MED4: variants seen among roughly 807,000 people sequenced by gnomAD.
MED4 encodes mediator complex subunit 4, also known as mediator of RNA polymerase II transcription subunit 4.
In MED4, 21 loss-of-function variants were observed where a neutral mutation model predicts 35.0. The observed-to-expected ratio is 0.60, with a 90% CI of 0.43 to 0.86. The LOEUF (loss-of-function observed/expected upper bound fraction) is 0.86, where lower values mean the gene tolerates loss of function less well. MED4 is among the 40% of genes least tolerant of loss of function. The pLI is 0.00. For synonymous variants in MED4, 138 were observed against 114.0 expected (o/e 1.21, Z -1.34); for missense variants, 300 against 319.4 (o/e 0.94, Z 0.46).
intron 5 of MED4, 92 bp from the exon 6 acceptor site, chr13:48,080,067 C>A: frequency 2.8e-6 from 4 of 1,411,778 alleles, no homozygotes; most frequent in Non-Finnish European, 3.9e-6. Context: ...CTGGTTCATG[C>A]TGAAAAGTTC....
intron 2 of MED4, among the ~76,000 whole-genome samples, chr13:48,087,510 C>G (rs1398425719): frequency 6.6e-6 from 1 of 151,986 alleles, no homozygotes; most frequent in Non-Finnish European, 1.5e-5. Context: ...GACACTGAAA[C>G]TCTGAGTTTA....
chr13:48,078,439 A>C (rs1950778050), intron 6 of MED4, among the ~76,000 whole-genome samples: 1 of 152,092 alleles, frequency 6.6e-6, no homozygotes. Context: ...AGTGGTGTTC[A>C]CCACAGCAAC....
At chr13:48,084,935 C>T (rs1950838512) in intron 3 of MED4, among the ~76,000 whole-genome samples, 1 of 151,818 alleles carries the variant, frequency 6.6e-6, no homozygotes, top group South Asian at 2.1e-4. Context: ...GGGGTGATCC[C>T]AGTTCATTGC....
chr13:48,084,602 TAA>T (rs1164371962), intron 3 of MED4, among the ~76,000 whole-genome samples: 2 of 152,124 alleles, frequency 1.3e-5, no homozygotes, highest in Non-Finnish European at 1.5e-5. Context: ...GAAAAATGCT[TAA>T]GTTTCAATAA....
In MED4 at chr13:48,077,228, A is replaced by G. The variant is rs774080363; in HGVS notation, c.724T>C (p.Leu242=). ...TCTTTATTATGCCCAGGAGGTTCCA[A>G]CAAAAAGTCACTACTATGATTTGGT... The part of the protein sequence containing the change: ...LPPNHSSDFL[L]EPPGHNKENE... The change falls in exon 7 of 7, where the codon TTG becomes CTG. Residue 242 remains leucine (L), a synonymous_variant. Transcript: ENST00000258648. 2.9e-5 allele frequency: 47 copies of G among 1,601,460 alleles called. No homozygotes were observed. Among genetic ancestry groups the G allele is most frequent in the Non-Finnish European group, 3.1e-5 (36 of 1,175,978 alleles).
chr13:48,090,432 ACC>A lies in MED4; in HGVS notation c.126-16_126-15del. The A allele has an allele frequency of 1.3e-6, 2 of 1,568,198 alleles. No homozygotes were observed. Among genetic ancestry groups the A allele is most frequent in the Non-Finnish European group, 1.7e-6 (2 of 1,155,476 alleles). On this transcript the variant is annotated splice_polypyrimidine_tract_variant and intron_variant, in intron 1 of 6. Coordinates refer to ENST00000258648, the MANE Select transcript of MED4 (RefSeq NM_014166.4). ...TCTATAAGTTCCCTAAAAAAAAAAA[ACC>A]AACAACAACAAAAACCCTTTCACAG...
intron 1 of MED4, among the ~76,000 whole-genome samples, chr13:48,092,097 T>C (rs1324550141): frequency 6.6e-6 from 1 of 152,058 alleles, no homozygotes; most frequent in Non-Finnish European, 1.5e-5. Context: ...AGATTAGTGT[T>C]TCATTCTTTT....
In MED4 at chr13:48,095,099, C is replaced by T. The variant is rs770346174; in HGVS notation, c.-21G>A. On this transcript the variant is annotated 5_prime_UTR_variant, in exon 1 of 7. Coordinates refer to ENST00000258648, the MANE Select transcript of MED4 (RefSeq NM_014166.4). ...GCCATTTTCCCCAGAGTCCCGCCAC[C>T]GGCGCACGCGCAGAGCGAGCTGACG... The T allele has an allele frequency of 4.3e-5, 69 of 1,600,590 alleles. No homozygotes were observed. Among genetic ancestry groups the T allele is most frequent in the Non-Finnish European group, 5.6e-5 (66 of 1,179,552 alleles).
At chr13:48,084,222 C>T (rs936295693) in intron 3 of MED4, among the ~76,000 whole-genome samples, 22 of 143,050 alleles carry the variant, frequency 1.5e-4, no homozygotes, top group African/African-American at 5.8e-4. Context: ...ACTGTGCCAT[C>T]GCACTCTGGC....
intron 1 of MED4, among the ~76,000 whole-genome samples, chr13:48,092,275 T>C (rs1950895098): frequency 6.7e-6 from 1 of 150,292 alleles, no homozygotes; most frequent in South Asian, 2.1e-4. Context: ...GCCCGGCTAA[T>C]TTTGTATTTT....
intron 4 of MED4, among the ~76,000 whole-genome samples, chr13:48,082,175 T>C (rs910411125): frequency 5.3e-5 from 8 of 151,286 alleles, no homozygotes; most frequent in African/African-American, 1.9e-4. Flanking sequence ...GTCTACAATG[T>C]ATTCATTAGG....
At chr13:48,082,185 G>GT (rs142680874) in intron 4 of MED4, among the ~76,000 whole-genome samples, 10,400 of 151,112 alleles carry the variant, frequency 0.069, 513 homozygotes, top group East Asian at 0.16. Context: ...TATTCATTAG[G>GT]TAAAAAAAAA....
In MED4 at chr13:48,086,918, C is replaced by T. The variant is rs139709880; in HGVS notation, c.193-466G>A. Among the ~76,000 whole-genome samples the T allele has an allele frequency of 3.8e-3, 581 of 151,442 alleles. 2 individuals carry two copies. The highest frequency in any genetic ancestry group is 0.013 in the African/African-American group (546 of 41,262). Reference sequence around the variant, plus strand: ...TACAAAAATTAGTTGGGTGTGGTGGCGCCTAAAATCCCAGTTACTCAGCAG... The same window carrying T: ...TACAAAAATTAGTTGGGTGTGGTGGTGCCTAAAATCCCAGTTACTCAGCAG... On this transcript the variant is annotated intron_variant, in intron 2 of 6. Transcript: ENST00000258648.
rs772201801 is a variant in MED4, at chr13:48,077,280, T to G, written c.672A>C (p.Ser224=). ...GTAACATATTCATCGACATGTCATTTGACTGCCATGGATACTGTGGAGCAA... is the reference window on the plus strand; with the variant it reads ...GTAACATATTCATCGACATGTCATTGGACTGCCATGGATACTGTGGAGCAA... ...DVLAPQYPWQ[S]NDMSMNMLPP... The change falls in exon 7 of 7, where the codon TCA becomes TCC. Residue 224 remains serine (S), a synonymous_variant. Transcript: ENST00000258648. 3.8e-6 allele frequency: 6 copies of G among 1,561,548 alleles called. No individual in the cohort carries two copies.
At chr13:48,083,348 T>C (rs1317759479) in intron 4 of MED4, 23 bp downstream of exon 4, 9 of 1,596,742 alleles carry the variant, frequency 5.6e-6, no homozygotes, top group Non-Finnish European at 7.7e-6. Context: ...TTTCAGGTCA[T>C]TCAGTCTTCC....
chr13:48,094,911 C>T (rs1283168564), intron 1 of MED4, 43 bp downstream of exon 1: 3 of 1,594,512 alleles, frequency 1.9e-6, no homozygotes, highest in African/African-American at 1.3e-5. Context: ...GGGGTCAGTC[C>T]CCCGGCCCAG....
At chr13:48,087,458 T>C (rs1463955804) in intron 2 of MED4, among the ~76,000 whole-genome samples, 1 of 152,198 alleles carries the variant, frequency 6.6e-6, no homozygotes, top group African/African-American at 2.4e-5. Context: ...AGAAAACTTT[T>C]ACACTTACAC....
chr13:48,082,810 G>A (rs1950819542), intron 4 of MED4, among the ~76,000 whole-genome samples: 2 of 146,596 alleles, frequency 1.4e-5, no homozygotes, highest in Admixed American at 6.8e-5. Flanking sequence ...CTGGGCGACA[G>A]AGCGAGACTC....
chr13:48,084,265 C>CAAAAAAAAAAAAAAAAAAAAAAAAAA (rs71099664), intron 3 of MED4, among the ~76,000 whole-genome samples: 2 of 109,974 alleles, frequency 1.8e-5, no homozygotes, highest in African/African-American at 7.2e-5. Context: ...GACTCTGTCT[C>CAAAAAAAAAAAAAAAAAAAAAAAAAA]AAAAAAAAAA....
Sources: gnomAD v4.1 joint callset for allele counts (sites outside exome capture counted in the v4.1 genomes callset) on GRCh38, gnomAD v4.1.1 for gene constraint, MANE v1.5 for transcripts, NCBI Gene and HGNC (gene_info 2026-07-23, HGNC 2026-07-21) for gene names.